Variants in CBX2 observed in about 807,000 individuals in gnomAD.
The protein encoded by CBX2 is chromobox protein homolog 2.
CBX2 carries 11 observed loss-of-function variants against 21.0 expected under a neutral mutation model. That is an observed-to-expected ratio of 0.52 (90% CI 0.33 to 0.87). The LOEUF (loss-of-function observed/expected upper bound fraction) is 0.87. CBX2 is among the 40% of genes least tolerant of loss of function. The probability of loss-of-function intolerance (pLI) is 0.02; values close to 1 mark genes in which losing one functional copy is unlikely to be tolerated. For synonymous variants in CBX2, 364 were observed against 304.6 expected (o/e 1.19, Z -2.03); for missense variants, 746 against 724.3 (o/e 1.03, Z -0.34).
In CBX2 at chr17:79,784,590, G is replaced by C; in HGVS notation, c.1147G>C (p.Ala383Pro). 1 of 1,612,604 alleles carries C rather than the reference G, an allele frequency of 6.2e-7. No homozygotes were observed. The highest frequency in any genetic ancestry group is 1.1e-5 in the South Asian group (1 of 91,066). ...RHATATKGVP[A>P]TNPAPGKGTG... is the part of the protein sequence containing the mutation. ...CGCCACCGCCACCAAGGGTGTCCCG[G>C]CCACCAACCCAGCCCCTGGGAAGGG... Residue 383 changes from alanine (A) to proline (P), a missense_variant, in exon 5 of 5, where the codon GCC (alanine) becomes CCC (proline). Ala to Pro is a conservative substitution (Grantham distance 27, BLOSUM62 -1). This residue lies in a region of CBX2 where 701 missense variants were observed against 650.7 expected (regional missense o/e 1.08). Coordinates refer to ENST00000310942, the MANE Select transcript of CBX2 (RefSeq NM_005189.3). The surrounding 1 kb of genome is among the most constrained non-coding windows in gnomAD (Gnocchi z 5.9).
chr17:79,779,770 A>T, intron 3 of CBX2: 1 of 345,094 alleles, frequency 2.9e-6, no homozygotes, highest in African/African-American at 2.1e-5. Flanking sequence ...TAATTTGCAC[A>T]TGGCGCTAAC....
intron 4 of CBX2, chr17:79,782,226 C>T (rs1907278649): frequency 6.3e-7 from 1 of 1,596,178 alleles, no homozygotes; most frequent in African/African-American, 1.3e-5. Context: ...CCTGCGGGTG[C>T]ACCTTAAATC....
Position 79,778,361 on chromosome 17 carries a change from C to T in CBX2, c.73-23C>T, listed in dbSNP as rs781818255. The T allele has an allele frequency of 3.4e-5, 54 of 1,582,496 alleles. No homozygotes were observed. Among genetic ancestry groups the T allele is most frequent in the African/African-American group, 5.4e-5 (4 of 73,660 alleles). On this transcript the variant is annotated intron_variant, in intron 1 of 4. Coordinates refer to ENST00000310942, the MANE Select transcript of CBX2 (RefSeq NM_005189.3). This position sits in a 1 kb window ranked among gnomAD's most constrained non-coding sequence, Gnocchi z 4.8. ...CGCCGCCCGCTGTCCGTCTGGCTCA[C>T]GGCCCCTCTTCTCTCCCCGCAGGGC...
At position 79,778,470 on chromosome 17, in the gene CBX2, C is replaced by G; in HGVS notation, c.116+43C>G. Reference sequence around the variant, plus strand: ...CCGCGCCCCCCTCCCGCCCCCTCGCCCGGGGGTGGGGACGTGGAGCCCCTC... The same window carrying G: ...CCGCGCCCCCCTCCCGCCCCCTCGCGCGGGGGTGGGGACGTGGAGCCCCTC... On this transcript the variant is annotated intron_variant, in intron 2 of 4. Transcript: ENST00000310942. The surrounding 1 kb of genome is among the most constrained non-coding windows in gnomAD (Gnocchi z 4.8). 3 of 1,351,924 alleles carry G rather than the reference C, an allele frequency of 2.2e-6. No individual in the cohort carries two copies. Among genetic ancestry groups the G allele is most frequent in the African/African-American group, 1.5e-5 (1 of 66,294 alleles). 83.7% of individuals were successfully genotyped at this position (1,351,924 alleles called of 1,614,324 possible).
rs1403629370 is a variant in CBX2, at chr17:79,786,270, C to T, written c.*1228C>T. The T allele has an allele frequency of 6.5e-6, 1 of 152,762 alleles. No homozygotes were observed. The highest frequency in any genetic ancestry group is 1.5e-5 in the Non-Finnish European group (1 of 68,098). 9.5% of individuals were successfully genotyped at this position (152,762 alleles called of 1,614,324 possible). ...CCTACGTCCTGTGTGGGGCCCTGCC[C>T]AAGTGGATGAGGCATTCCTTGAGGA... On this transcript the variant is annotated 3_prime_UTR_variant, in exon 5 of 5. Transcript: ENST00000310942.
rs1555830267 is a variant in CBX2, at chr17:79,781,717, G to A, written c.204G>A (p.Gln68=). The A allele has an allele frequency of 6.2e-7, 1 of 1,613,980 alleles. No homozygotes were observed. Among genetic ancestry groups the A allele is most frequent in the Admixed American group, 1.7e-5 (1 of 60,028 alleles). ...TCAGGGAACATGAGAAGGAGGTGCAGAACCGGAAGAGAGGCAAGAGGCCGA... is the reference window on the plus strand; with the variant it reads ...TCAGGGAACATGAGAAGGAGGTGCAAAACCGGAAGAGAGGCAAGAGGCCGA... ...FQKKEHEKEV[Q]NRKRGKRPRG... Residue 68 remains glutamine, a synonymous_variant, in exon 4 of 5, where the codon CAG becomes CAA. Coordinates refer to ENST00000310942, the MANE Select transcript of CBX2 (RefSeq NM_005189.3).
chr17:79,782,327 G>T, intron 4 of CBX2: 1 of 1,492,122 alleles, frequency 6.7e-7, no homozygotes, highest in Non-Finnish European at 8.9e-7. Context: ...GGCTGATGAT[G>T]TGCTTTGGCC....
At position 79,784,610 on chromosome 17, in the gene CBX2, G is replaced by A; in HGVS notation, c.1167G>A (p.Gly389=). The change falls in exon 5 of 5, where the codon GGG becomes GGA. Residue 389 remains glycine, a synonymous_variant. Coordinates refer to ENST00000310942, the MANE Select transcript of CBX2 (RefSeq NM_005189.3). This position sits in a 1 kb window ranked among gnomAD's most constrained non-coding sequence, Gnocchi z 5.9. ...TCCCGGCCACCAACCCAGCCCCTGG[G>A]AAGGGCACTGGGAGTGGCCTCATTG... ...KGVPATNPAP[G]KGTGSGLIGA... is the part of the protein sequence containing the mutation. 6.2e-7 allele frequency: 1 copy of A among 1,612,592 alleles called. No individual in the cohort carries two copies.
At chr17:79,779,711 G>A in intron 3 of CBX2, 1 of 487,300 alleles carries the variant, frequency 2.1e-6, no homozygotes, top group South Asian at 2.2e-5. Flanking sequence ...AACTTTTTCA[G>A]TTGCTTCAGA....
intron 4 of CBX2, among the ~76,000 whole-genome samples, chr17:79,782,927 G>A (rs888265819): frequency 7.9e-5 from 12 of 152,176 alleles, no homozygotes; most frequent in East Asian, 1.9e-4. Flanking sequence ...TCCAGAAGGC[G>A]AGGAAGACAG....
rs1428672340 is a variant in CBX2, at chr17:79,782,540, GC to G, written c.288+740del. The G allele has an allele frequency of 1.6e-5, 17 of 1,080,330 alleles. No individual in the cohort carries two copies. The East Asian group carries it at 1.2e-3, about 75-fold the overall frequency. The allele number at this position is 1,080,330 out of a possible 1,614,324, so 66.9% of individuals were successfully genotyped here. A position where few individuals can be genotyped will look rare whatever the true frequency, so the allele number is the denominator to read the frequency against. On this transcript the variant is annotated intron_variant, in intron 4 of 4. Transcript: ENST00000310942. ...CTCCGGGCACTGTCCCTGGACCTTC[GC>G]GTGTTGTGGCCACGAGCTCAGTCAC...
rs781937279 is a variant in CBX2, at chr17:79,781,819, G to A, written c.288+18G>A. 10 of 1,613,938 alleles carry A rather than the reference G, an allele frequency of 6.2e-6. No homozygotes were observed. In the South Asian group the frequency reaches 8.8e-5, roughly 14 times the overall value. ...AGCTCAAGGTGGGTGGCTGCGCTGG[G>A]TATGCTGACCCCACCTCCCAGCACC... On this transcript the variant is annotated intron_variant, in intron 4 of 4. Transcript: ENST00000310942.
chr17:79,782,425 G>A, intron 4 of CBX2: 1 of 1,319,362 alleles, frequency 7.6e-7, no homozygotes, highest in Non-Finnish European at 9.8e-7. Flanking sequence ...GTCCGTGGTA[G>A]GGCCCCTCCC....
rs542769705 is a variant in CBX2, at chr17:79,779,789, A to G, written c.182+362A>G. The G allele has an allele frequency of 3.1e-5, 10 of 321,252 alleles. No individual in the cohort carries two copies. The Admixed American group carries it at 3.2e-4, about 10-fold the overall frequency. The allele number at this position is 321,252 out of a possible 1,614,324, so 19.9% of individuals were successfully genotyped here. A position where few individuals can be genotyped will look rare whatever the true frequency, so the allele number is the denominator to read the frequency against. ...TTGCACATGGCGCTAACAGAAAACC[A>G]GGAGAGCAGGTTTGCCACAGTGACG... On this transcript the variant is annotated intron_variant, in intron 3 of 4. Transcript: ENST00000310942.
In CBX2 at chr17:79,784,376, C is replaced by T. The variant is rs782414413; in HGVS notation, c.933C>T (p.Ala311=). The T allele has an allele frequency of 2.5e-6, 4 of 1,612,798 alleles. No homozygotes were observed. In the South Asian group the frequency reaches 4.4e-5, roughly 18 times the overall value. ...MSPPGSKIPK[A]PSGGAVEQKV... ...CTCCAGGAAGCAAAATCCCGAAGGC[C>T]CCCAGCGGTGGGGCTGTGGAGCAGA... Residue 311 remains alanine (A), a synonymous_variant, in exon 5 of 5, where the codon GCC becomes GCT. Transcript: ENST00000310942. This position sits in a 1 kb window ranked among gnomAD's most constrained non-coding sequence, Gnocchi z 5.9.
At chr17:79,777,970 G>A (rs1290238212), upstream of CBX2, among the ~76,000 whole-genome samples, 2 of 142,676 alleles carry the variant, frequency 1.4e-5, no homozygotes. Flanking sequence ...ACCCCCCGCC[G>A]GAGCGCGAGG....
In CBX2 at chr17:79,779,265, A is replaced by C. The variant is rs1276309089; in HGVS notation, c.117-97A>C. On this transcript the variant is annotated intron_variant, in intron 2 of 4. Transcript: ENST00000310942. Reference sequence around the variant, plus strand: ...GCTACGGTGCCACTGCCATCGGCCCAAGTCGAGGAGCGGTGAGGGCGAGCC... The same window carrying C: ...GCTACGGTGCCACTGCCATCGGCCCCAGTCGAGGAGCGGTGAGGGCGAGCC... 3.4e-6 allele frequency: 4 copies of C among 1,192,530 alleles called. No individual in the cohort carries two copies. In the African/African-American group the frequency reaches 6.0e-5, roughly 18 times the overall value. 73.9% of individuals were successfully genotyped at this position (1,192,530 alleles called of 1,614,324 possible).
Position 79,785,950 on chromosome 17 carries a change from C to G in CBX2, c.*908C>G, listed in dbSNP as rs1907605938. ...AGACCCACCTCCTGCCCCAGGCCCA[C>G]TGAAGCATGTTCCATTTCTAAAAAG... On this transcript the variant is annotated 3_prime_UTR_variant, in exon 5 of 5. Transcript: ENST00000310942. 6.6e-6 allele frequency: 1 copy of G among 152,652 alleles called. No homozygotes were observed. The highest frequency in any genetic ancestry group is 1.5e-5 in the Non-Finnish European group (1 of 68,380). The allele number at this position is 152,652 out of a possible 1,614,324, so 9.5% of individuals were successfully genotyped here.
At position 79,787,452 on chromosome 17, in the gene CBX2, T is replaced by C. The variant is rs1186104777; in HGVS notation, c.*2410T>C. On this transcript the variant is annotated 3_prime_UTR_variant, in exon 5 of 5. Coordinates refer to ENST00000310942, the MANE Select transcript of CBX2 (RefSeq NM_005189.3). The stretch of plus-strand genomic sequence containing the variant: ...TTGCCTTCTTACTGTGTTGTGTGTT[T>C]TTCCTGGTGCTTCAAGAGCGTGTGC... 1 of 152,728 alleles carries C rather than the reference T, an allele frequency of 6.5e-6. No homozygotes were observed. Among genetic ancestry groups the C allele is most frequent in the Non-Finnish European group, 1.5e-5 (1 of 68,064 alleles). 9.5% of individuals were successfully genotyped at this position (152,728 alleles called of 1,614,324 possible).
Sources: gnomAD v4.1 joint callset for allele counts (sites outside exome capture counted in the v4.1 genomes callset) on GRCh38, gnomAD v4.1.1 for gene constraint, gnomAD v4.1.1 regional missense constraint, Gnocchi (gnomAD v3.1) non-coding constraint, MANE v1.5 for transcripts, NCBI Gene and HGNC (gene_info 2026-07-23, HGNC 2026-07-21) for gene names.